The following STPG2 variants were observed in gnomAD, a reference collection of about 807,000 sequenced individuals.
STPG2 encodes sperm tail PG-rich repeat containing 2.
A neutral mutation model predicts 54.2 loss-of-function variants in STPG2; 56 were observed. The observed-to-expected ratio is 1.03, with a 90% CI of 0.83 to 1.29. STPG2 has a LOEUF of 1.29. Ranked by LOEUF, STPG2 falls within the 50% of genes most tolerant of loss-of-function variation. The pLI is 0.00. For missense variants in STPG2, 596 were observed against 544.9 expected, an observed-to-expected ratio of 1.09 and a Z score of -0.93; for synonymous variants, 200 against 181.8, an observed-to-expected ratio of 1.10 and a Z score of -0.81.
intron 5 of STPG2, among the ~76,000 whole-genome samples, chr4:98,052,879 A>C (rs4699590): frequency 0.39 from 59,952 of 152,004 alleles, 12,049 homozygotes; most frequent in Middle Eastern, 0.46. Flanking sequence ...CCGATGCTAA[A>C]TTTGACTGGC....
At chr4:97,765,095 GA>G (rs1726000765) in intron 9 of STPG2, among the ~76,000 whole-genome samples, 1 of 152,034 alleles carries the variant, frequency 6.6e-6, no homozygotes, top group Non-Finnish European at 1.5e-5. Flanking sequence ...TATAATACAG[GA>G]ATATTTTTTG....
intron 5 of STPG2, among the ~76,000 whole-genome samples, chr4:98,088,921 T>A (rs563937542): frequency 5.4e-4 from 82 of 152,290 alleles, no homozygotes; most frequent in African/African-American, 1.9e-3. Context: ...GCAAAGTTCA[T>A]TGGATGCCTT....
chr4:97,513,552 A>G (rs1731015675), intron 4 of STPG2, among the ~76,000 whole-genome samples: 1 of 152,074 alleles, frequency 6.6e-6, no homozygotes, highest in African/African-American at 2.4e-5. Flanking sequence ...AGACTCTCCT[A>G]TCACTCCAGA....
chr4:97,934,507 T>C (rs915380639), intron 8 of STPG2, among the ~76,000 whole-genome samples: 7 of 152,240 alleles, frequency 4.6e-5, no homozygotes, highest in Non-Finnish European at 8.8e-5. Context: ...ATGCCATAAA[T>C]GGCTCTTATT....
At chr4:97,545,126 G>C (rs1308856371) in intron 4 of STPG2, among the ~76,000 whole-genome samples, 3 of 152,072 alleles carry the variant, frequency 2.0e-5, no homozygotes, top group Non-Finnish European at 2.9e-5. Flanking sequence ...CTGATCCTTG[G>C]ACTACGTTCT....
chr4:97,457,804 G>A (rs1729565931), intron 4 of STPG2, among the ~76,000 whole-genome samples: 1 of 152,156 alleles, frequency 6.6e-6, no homozygotes, highest in African/African-American at 2.4e-5. Flanking sequence ...ACTTAAGCAT[G>A]AAATTTTAAA....
rs1307572977 is a variant in STPG2, at chr4:97,781,262, C to A, written c.1204+59511G>T. Among the ~76,000 whole-genome samples, 8 of 152,032 alleles carry A rather than the reference C, an allele frequency of 5.3e-5. No homozygotes were observed. In the East Asian group the frequency reaches 1.2e-3, roughly 22 times the overall value. ...GATAAAGGAGATATCACCACTGATC[C>A]CACAGAAATACAAACTACCATCAGA... On this transcript the variant is annotated intron_variant, in intron 9 of 10. Transcript: ENST00000295268.
chr4:97,725,926 G>GA (rs968528160), intron 9 of STPG2, among the ~76,000 whole-genome samples: 8 of 147,928 alleles, frequency 5.4e-5, no homozygotes, highest in South Asian at 2.1e-4. Flanking sequence ...CCCCACAAAG[G>GA]AAAAAAAAAT....
intron 10 of STPG2, among the ~76,000 whole-genome samples, chr4:97,700,349 G>C (rs1412230203): frequency 6.6e-6 from 1 of 152,140 alleles, no homozygotes; most frequent in Non-Finnish European, 1.5e-5. Context: ...CTCAACAAAT[G>C]GGCCAGAGCA....
At chr4:97,699,235 C>A (rs563390741) in intron 10 of STPG2, among the ~76,000 whole-genome samples, 141 of 152,322 alleles carry the variant, frequency 9.3e-4, no homozygotes, top group African/African-American at 3.3e-3. Flanking sequence ...TGAGCCCATG[C>A]ATAACCTCCA....
chr4:97,827,898 C>T (rs938657382), intron 9 of STPG2, among the ~76,000 whole-genome samples: 2 of 152,090 alleles, frequency 1.3e-5, no homozygotes, highest in African/African-American at 4.8e-5. Flanking sequence ...TTCTGACAGG[C>T]CCGGGAGCCC....
chr4:97,739,756 T>C (rs962281613), intron 9 of STPG2, among the ~76,000 whole-genome samples: 2 of 152,148 alleles, frequency 1.3e-5, no homozygotes, highest in African/African-American at 2.4e-5. Context: ...CAGGACCAGA[T>C]GGATTCACAG....
intron 9 of STPG2, among the ~76,000 whole-genome samples, chr4:97,788,610 C>T (rs138039425): frequency 1.9e-3 from 293 of 152,188 alleles, no homozygotes; most frequent in African/African-American, 6.9e-3. Context: ...ACTGCTAGAT[C>T]ATATAGTAGT....
intron 8 of STPG2, among the ~76,000 whole-genome samples, chr4:97,918,871 G>A (rs1356281584): frequency 6.6e-6 from 1 of 152,134 alleles, no homozygotes; most frequent in Admixed American, 6.5e-5. Flanking sequence ...AGTGTACACT[G>A]CTCGGGTGAT....
At chr4:97,619,823 T>G (rs1733964955) in intron 10 of STPG2, among the ~76,000 whole-genome samples, 1 of 131,242 alleles carries the variant, frequency 7.6e-6, no homozygotes, top group Non-Finnish European at 1.5e-5. Flanking sequence ...TTTCTTTTTC[T>G]ATTTTTTTTT....
intron 8 of STPG2, among the ~76,000 whole-genome samples, chr4:97,903,725 C>A (rs918410204): frequency 6.6e-6 from 1 of 152,180 alleles, no homozygotes; most frequent in Non-Finnish European, 1.5e-5. Context: ...ACAGTGGGCG[C>A]AGGTCAGTGG....
At chr4:97,993,801 G>C (rs1483111274) in intron 5 of STPG2, among the ~76,000 whole-genome samples, 1 of 151,868 alleles carries the variant, frequency 6.6e-6, no homozygotes. Flanking sequence ...CTTTCTTCCT[G>C]GTTTAATCTA....
intron 8 of STPG2, among the ~76,000 whole-genome samples, chr4:97,894,897 T>A (rs1730902213): frequency 6.6e-6 from 1 of 151,858 alleles, no homozygotes. Flanking sequence ...CAAGTGACAG[T>A]GCAAAGAAAA....
At chr4:97,472,484 G>A (rs1479959171) in intron 4 of STPG2, among the ~76,000 whole-genome samples, 1 of 152,184 alleles carries the variant, frequency 6.6e-6, no homozygotes, top group Non-Finnish European at 1.5e-5. Flanking sequence ...AGCAAGGCCT[G>A]CTCTCAGGAA....
Sources: gnomAD v4.1 joint callset for allele counts (sites outside exome capture counted in the v4.1 genomes callset) on GRCh38, gnomAD v4.1.1 for gene constraint, MANE v1.5 for transcripts, NCBI Gene and HGNC (gene_info 2026-07-23, HGNC 2026-07-21) for gene names.